The following AHNAK variants were observed in gnomAD, a reference collection of about 807,000 sequenced individuals.
AHNAK encodes neuroblast differentiation-associated protein AHNAK.
In AHNAK, 23 loss-of-function variants were observed where a neutral mutation model predicts 37.8. The observed-to-expected ratio is 0.61, with a 90% CI of 0.44 to 0.86. AHNAK has a LOEUF of 0.86. Ranked by LOEUF, AHNAK falls within the 40% of genes least tolerant of loss-of-function variation. The pLI, the probability that AHNAK is intolerant of heterozygous loss-of-function variation, is 0.00. For synonymous variants in AHNAK, 2,481 were observed against 2,636.3 expected, an observed-to-expected ratio of 0.94 and a Z score of 1.80; for missense variants, 7,411 against 7,319.4, an observed-to-expected ratio of 1.01 and a Z score of -0.46.
rs762182508 is a variant in AHNAK, at chr11:62,533,035, G to C, written c.1382C>G (p.Thr461Ser). Reference sequence around the variant, plus strand: ...GACATCCCCAGAGACCCCAGGAACAGTCACTTCACCTGTAGGCAGTGTCAC... The same window carrying C: ...GACATCCCCAGAGACCCCAGGAACACTCACTTCACCTGTAGGCAGTGTCAC... Reference protein sequence around the residue: ...IDVTLPTGEVTVPGVSGDVSL... With the variant: ...IDVTLPTGEVSVPGVSGDVSL... The change falls in exon 5 of 5, where the codon ACT (threonine) becomes AGT (serine). Residue 461 changes from threonine (T) to serine (S), a missense_variant. Thr to Ser is a moderately conservative substitution (Grantham distance 58). Coordinates refer to ENST00000378024, the MANE Select transcript of AHNAK (RefSeq NM_001620.3). 3 of 1,613,830 alleles carry C rather than the reference G, an allele frequency of 1.9e-6. No homozygotes were observed. Among genetic ancestry groups the C allele is most frequent in the South Asian group, 1.1e-5 (1 of 91,034 alleles).
chr11:62,491,815 G>A, exon 5 of AHNAK: 1 of 1,612,140 alleles, frequency 6.2e-7, no homozygotes, highest in Non-Finnish European at 8.5e-7. Context: ...TTCCAGTGCT[G>A]ATGGCTGTGG....
At position 62,533,229 on chromosome 11, in the gene AHNAK, C is replaced by A; in HGVS notation, c.1188G>T (p.Gly396=). 1 of 1,526,286 alleles carries A rather than the reference C, an allele frequency of 6.6e-7. No individual in the cohort carries two copies. The highest frequency in any genetic ancestry group is 2.3e-5 in the Admixed American group (1 of 44,208). The allele number at this position is 1,526,286 out of a possible 1,614,324, so 94.5% of individuals were successfully genotyped here. Residue 396 remains glycine, a synonymous_variant, in exon 5 of 5, where the codon GGG becomes GGT. Coordinates refer to ENST00000378024, the MANE Select transcript of AHNAK (RefSeq NM_001620.3). ...CAATTTGGGGAGCAGAGGCATCCAC[C>A]CCAATGTGCCCCTGTGGCTTGGCAC... ...LKGAKPQGHI[G]VDASAPQIGG... is the part of the protein sequence containing the mutation.
chr11:62,474,122 T>C (rs1040517451), intron 5 of AHNAK, among the ~76,000 whole-genome samples: 1 of 151,320 alleles, frequency 6.6e-6, no homozygotes, highest in Non-Finnish European at 1.5e-5. Flanking sequence ...ATAAATAAAA[T>C]AATTTAAAAA....
At chr11:62,469,020 G>A (rs1565204585) in intron 5 of AHNAK, among the ~76,000 whole-genome samples, 3 of 152,262 alleles carry the variant, frequency 2.0e-5, no homozygotes, top group Admixed American at 6.5e-5. Context: ...TATGGAGAAC[G>A]AGGTCTCACT....
chr11:62,531,521 T>C lies in AHNAK; in HGVS notation c.2896A>G (p.Met966Val), dbSNP rs1198599507. The C allele has an allele frequency of 6.2e-7, 1 of 1,614,170 alleles. No homozygotes were observed. The highest frequency in any genetic ancestry group is 1.7e-5 in the Admixed American group (1 of 60,028). ...TCCCCTTCCAGCTTTGGCACTGTCA[T>C]ATCATATTCTCCCTTTACTTTAGGA... ...KGPKVKGEYD[M>V]TVPKLEGDLK... is the part of the protein sequence containing the mutation. The change falls in exon 5 of 5, where the codon ATG becomes GTG. Residue 966 changes from methionine to valine, a missense_variant. Physicochemically the swap from Met to Val is conservative, Grantham distance 21. Coordinates refer to ENST00000378024, the MANE Select transcript of AHNAK (RefSeq NM_001620.3).
chr11:62,534,048 G>A lies in AHNAK; in HGVS notation c.369C>T (p.Arg123=). The A allele has an allele frequency of 6.4e-7, 1 of 1,552,578 alleles. No individual in the cohort carries two copies. Residue 123 remains arginine, a synonymous_variant, in exon 5 of 5, where the codon CGC becomes CGT. Coordinates refer to ENST00000378024, the MANE Select transcript of AHNAK (RefSeq NM_001620.3). ...VLSGDDEEYQ[R]IYTTKIKPRL... is the part of the protein sequence containing the mutation. ...GTGGCTTGATCTTCGTGGTGTAGAT[G>A]CGCTGGTACTCCTCATCATCCCCGC...
rs1346083121 is a variant in AHNAK at position 62,533,236 on chromosome 11, T to C, written c.1181A>G (p.His394Arg). 9 of 1,526,156 alleles carry C rather than the reference T, an allele frequency of 5.9e-6. No homozygotes were observed. The African/African-American group carries it at 1.3e-4, about 21-fold the overall frequency. 94.5% of individuals were successfully genotyped at this position (1,526,156 alleles called of 1,614,324 possible). Residue 394 changes from histidine (H) to arginine (R), a missense_variant, in exon 5 of 5, where the codon CAC becomes CGC. By Grantham distance (29) the His-to-Arg change is conservative. Transcript: ENST00000378024. Reference sequence around the variant, plus strand: ...GGGAGCAGAGGCATCCACCCCAATGTGCCCCTGTGGCTTGGCACCTTTCAG... The same window carrying C: ...GGGAGCAGAGGCATCCACCCCAATGCGCCCCTGTGGCTTGGCACCTTTCAG... ...LGLKGAKPQG[H>R]IGVDASAPQI...
chr11:62,529,426 C>G lies in AHNAK; in HGVS notation c.4991G>C (p.Gly1664Ala). The change falls in exon 5 of 5, where the codon GGC (glycine) becomes GCC (alanine). Residue 1664 changes from glycine to alanine, a missense_variant. Gly to Ala is a moderately conservative substitution (Grantham distance 60). Coordinates refer to ENST00000378024, the MANE Select transcript of AHNAK (RefSeq NM_001620.3). ...SMPDVDLHLK[G>A]PKVKGDMDVS... ...ATCCATATCCCCTTTGACTTTGGGGCCTTTCAAGTGTAAGTCCACATCGGG... is the reference window on the plus strand; with the variant it reads ...ATCCATATCCCCTTTGACTTTGGGGGCTTTCAAGTGTAAGTCCACATCGGG... 1 of 1,614,074 alleles carries G rather than the reference C, an allele frequency of 6.2e-7. No individual in the cohort carries two copies. The highest frequency in any genetic ancestry group is 8.5e-7 in the Non-Finnish European group (1 of 1,180,032).
rs754447622 is a variant in AHNAK at position 62,519,965 on chromosome 11, C to A, written c.14452G>T (p.Val4818Phe). ...TCGATATTCACATCTGGAATATCAA[C>A]GTCCACCTTGGGTCCCGAGACATCG... ...DIDVSGPKVD[V>F]DIPDVNIEGP... Residue 4818 changes from valine (V) to phenylalanine (F), a missense_variant, in exon 5 of 5, where the codon GTT (valine) becomes TTT (phenylalanine). Physicochemically the swap from Val to Phe is conservative, Grantham distance 50 (BLOSUM62 -1). Coordinates refer to ENST00000378024, the MANE Select transcript of AHNAK (RefSeq NM_001620.3). The A allele has an allele frequency of 1.9e-6, 3 of 1,613,036 alleles. No homozygotes were observed. In the South Asian group the frequency reaches 3.3e-5, roughly 18 times the overall value.
In AHNAK at chr11:62,525,772, T is replaced by G; in HGVS notation, c.8645A>C (p.Asp2882Ala). The change falls in exon 5 of 5, where the codon GAT becomes GCT. Residue 2882 changes from aspartate to alanine, a missense_variant. Asp to Ala is a moderately radical substitution (Grantham distance 126). Transcript: ENST00000378024. The stretch of plus-strand genomic sequence containing the variant: ...CCAGTCTGGACCCTGAACATTAACA[T>G]CTGGGACATCAATGTCCACTTTGGG... ...KGPKVDIDVP[D>A]VNVQGPDWHL... 4 of 1,613,454 alleles carry G rather than the reference T, an allele frequency of 2.5e-6. No homozygotes were observed. The highest frequency in any genetic ancestry group is 3.4e-6 in the Non-Finnish European group (4 of 1,179,858).
intron 1 of AHNAK, among the ~76,000 whole-genome samples, chr11:62,544,055 G>A (rs974168802): frequency 2.6e-4 from 40 of 151,528 alleles, no homozygotes; most frequent in African/African-American, 9.2e-4. Context: ...CCGCCCCCAC[G>A]GCTTTGCCCC....
chr11:62,531,045 C>T lies in AHNAK; in HGVS notation c.3372G>A (p.Leu1124=). 1 of 1,613,786 alleles carries T rather than the reference C, an allele frequency of 6.2e-7. No homozygotes were observed. Among genetic ancestry groups the T allele is most frequent in the Non-Finnish European group, 8.5e-7 (1 of 1,179,928 alleles). Residue 1124 remains leucine (L), a synonymous_variant, in exon 5 of 5, where the codon CTG becomes CTA. Coordinates refer to ENST00000378024, the MANE Select transcript of AHNAK (RefSeq NM_001620.3). ...TGGGCATTTTCATCTTGGGTATTTTCAGGCTCCAGTCCAGGCCTTGGCCTT... is the reference window on the plus strand; with the variant it reads ...TGGGCATTTTCATCTTGGGTATTTTTAGGCTCCAGTCCAGGCCTTGGCCTT... ...DVEGQGLDWS[L]KIPKMKMPKF... is the part of the protein sequence containing the mutation.
At chr11:62,485,701 CAAAA>C (rs1286819688) in intron 5 of AHNAK, among the ~76,000 whole-genome samples, 9 of 51,944 alleles carry the variant, frequency 1.7e-4, no homozygotes, top group Non-Finnish European at 3.0e-4. Context: ...GACTCCATCT[CAAAA>C]AAAAAAAAAA....
At position 62,519,527 on chromosome 11, in the gene AHNAK, T is replaced by C. The variant is rs1940152172; in HGVS notation, c.14890A>G (p.Asn4964Asp). ...ATTTTAACATCTGGCCCTTCGATGT[T>C]AATATCTGGGCTGTCCATGTGTACA... is the stretch of plus-strand genomic sequence containing the variant. ...LDVHMDSPDINIEGPDVKIPK... is the reference protein window; with the variant it reads ...LDVHMDSPDIDIEGPDVKIPK... The change falls in exon 5 of 5, where the codon AAC becomes GAC. Residue 4964 changes from asparagine (N) to aspartate (D), a missense_variant. Asn to Asp is a conservative substitution (Grantham distance 23). Transcript: ENST00000378024. The C allele has an allele frequency of 6.2e-7, 1 of 1,612,756 alleles. No homozygotes were observed. Among genetic ancestry groups the C allele is most frequent in the South Asian group, 1.1e-5 (1 of 90,764 alleles).
chr11:62,475,421 C>T (rs528158079), intron 5 of AHNAK, among the ~76,000 whole-genome samples: 6 of 152,156 alleles, frequency 3.9e-5, no homozygotes, highest in Admixed American at 1.3e-4. Flanking sequence ...GAACAGAAAA[C>T]CAAATATGGC....
chr11:62,470,809 GA>G (rs750419930), intron 5 of AHNAK, among the ~76,000 whole-genome samples: 27 of 144,142 alleles, frequency 1.9e-4, no homozygotes, highest in African/African-American at 2.8e-4. Flanking sequence ...TTCTTTCAGG[GA>G]AAAAAAAAAA....
chr11:62,455,206 T>C (rs1169360552), intron 5 of AHNAK, among the ~76,000 whole-genome samples: 1 of 151,376 alleles, frequency 6.6e-6, no homozygotes, highest in African/African-American at 2.4e-5. Flanking sequence ...GTGCTGGGAT[T>C]ACAGGCATGA....
At chr11:62,512,056 A>G (rs1216844355), downstream of AHNAK, among the ~76,000 whole-genome samples, 1 of 152,216 alleles carries the variant, frequency 6.6e-6, no homozygotes, top group Non-Finnish European at 1.5e-5. This position sits in a 1 kb window ranked among gnomAD's most constrained non-coding sequence, Gnocchi z 4.0. Flanking sequence ...CATGTTGCCC[A>G]GGCTGGTCTC....
Position 62,516,604 on chromosome 11 carries a change from C to A in AHNAK, c.*140G>T. 1 of 1,481,684 alleles carries A rather than the reference C, an allele frequency of 6.7e-7. No homozygotes were observed. The allele number at this position is 1,481,684 out of a possible 1,614,324, so 91.8% of individuals were successfully genotyped here. A position where few individuals can be genotyped will look rare whatever the true frequency, so the allele number is the denominator to read the frequency against. ...CCTACAGGCGGTCGGTTTTTCAGCG[C>A]TTGCCACCGGGCCAGGCAAGGTCTT... On this transcript the variant is annotated 3_prime_UTR_variant, in exon 5 of 5. Coordinates refer to ENST00000378024, the MANE Select transcript of AHNAK (RefSeq NM_001620.3).
Sources: allele counts gnomAD v4.1 joint callset (sites outside exome capture counted in the v4.1 genomes callset), GRCh38; gene constraint gnomAD v4.1.1; non-coding constraint Gnocchi (gnomAD v3.1); transcripts MANE v1.5; gene names NCBI Gene and HGNC (gene_info 2026-07-23, HGNC 2026-07-21).